MAF: variants seen among roughly 807,000 people sequenced by gnomAD.
MAF encodes MAF bZIP transcription factor.
In MAF, 10 loss-of-function variants were observed where a neutral mutation model predicts 22.0. The observed-to-expected ratio is 0.45, with a 90% CI of 0.28 to 0.77. The LOEUF (loss-of-function observed/expected upper bound fraction) is 0.77. MAF is among the 30% of genes least tolerant of loss of function. The pLI, the probability that MAF is intolerant of heterozygous loss-of-function variation, is 0.12. For synonymous variants in MAF, 337 were observed against 255.8 expected, an observed-to-expected ratio of 1.32 and a Z score of -3.03; for missense variants, 544 against 548.4, an observed-to-expected ratio of 0.99 and a Z score of 0.08.
At chr16:79,413,997 A>C in the MAF span, among the ~76,000 whole-genome samples, 3 of 152,178 alleles carry the variant, frequency 2.0e-5, no homozygotes, top group Non-Finnish European at 4.4e-5. Flanking sequence ...AGCTGGCCAA[A>C]TGCCCTCAGC....
chr16:79,273,677 C>G, the MAF span, among the ~76,000 whole-genome samples: 2 of 99,596 alleles, frequency 2.0e-5, no homozygotes, highest in Non-Finnish European at 2.3e-5. Flanking sequence ...CTGTTTCACT[C>G]TGACCTCTTC....
chr16:79,214,600 T>C, the MAF span, among the ~76,000 whole-genome samples: 1 of 151,588 alleles, frequency 6.6e-6, no homozygotes, highest in East Asian at 1.9e-4. Context: ...AGAGACGGGG[T>C]TTCACTATGT....
the MAF span, among the ~76,000 whole-genome samples, chr16:79,394,044 A>G: frequency 6.6e-6 from 1 of 152,210 alleles, no homozygotes; most frequent in Non-Finnish European, 1.5e-5. Context: ...GAGGAGACGA[A>G]CGCTTCACCA....
the MAF span, among the ~76,000 whole-genome samples, chr16:79,396,742 G>T: frequency 6.6e-6 from 1 of 152,210 alleles, no homozygotes; most frequent in African/African-American, 2.4e-5. Flanking sequence ...ACTGATGCCT[G>T]CCTCCCATAC....
At chr16:79,394,885 C>G in the MAF span, among the ~76,000 whole-genome samples, 6 of 152,166 alleles carry the variant, frequency 3.9e-5, no homozygotes, top group Non-Finnish European at 5.9e-5. Context: ...ACCAGAACAT[C>G]TGCTGTTAGG....
chr16:79,274,218 G>A, the MAF span, among the ~76,000 whole-genome samples: 5 of 150,940 alleles, frequency 3.3e-5, no homozygotes, highest in African/African-American at 1.2e-4. Context: ...ACCTCCCAAA[G>A]TGCCAGGATT....
chr16:79,595,456 C>T (rs1418110769), intron 1 of MAF: 7 of 1,057,414 alleles, frequency 6.6e-6, no homozygotes, highest in Middle Eastern at 4.3e-4. Context: ...CAAAAGTCAT[C>T]GTGTTTGGCT....
At chr16:79,286,153 G>C in the MAF span, among the ~76,000 whole-genome samples, 1 of 152,184 alleles carries the variant, frequency 6.6e-6, no homozygotes, top group African/African-American at 2.4e-5. Flanking sequence ...GCAGTAGCTA[G>C]CTGGTTTTTC....
At chr16:79,295,615 T>C in the MAF span, among the ~76,000 whole-genome samples, 1 of 152,238 alleles carries the variant, frequency 6.6e-6, no homozygotes, top group Admixed American at 6.5e-5. Context: ...ATGAGGCAGC[T>C]TTTAGGCTAA....
the MAF span, among the ~76,000 whole-genome samples, chr16:79,209,412 C>A: frequency 6.6e-6 from 1 of 152,200 alleles, no homozygotes; most frequent in Non-Finnish European, 1.5e-5. Context: ...TTTTGCTTTC[C>A]CAAACGGACT....
the MAF span, among the ~76,000 whole-genome samples, chr16:79,532,428 G>C: frequency 2.0e-5 from 3 of 152,210 alleles, no homozygotes; most frequent in Non-Finnish European, 2.9e-5. Context: ...TGTGCAGTGA[G>C]TAAGAAGCTG....
the MAF span, among the ~76,000 whole-genome samples, chr16:79,365,604 GT>G: frequency 6.6e-6 from 1 of 152,028 alleles, no homozygotes; most frequent in East Asian, 1.9e-4. Context: ...TGGGATTGGG[GT>G]GTAGGGGTCT....
chr16:79,226,416 A>G, the MAF span, among the ~76,000 whole-genome samples: 3 of 152,168 alleles, frequency 2.0e-5, no homozygotes, highest in Non-Finnish European at 4.4e-5. Context: ...ATTAGGAGAC[A>G]TACCTAATGT....
At chr16:79,352,267 T>C in the MAF span, among the ~76,000 whole-genome samples, 1 of 152,192 alleles carries the variant, frequency 6.6e-6, no homozygotes, top group African/African-American at 2.4e-5. Flanking sequence ...TTTTACCTGT[T>C]TCTGTCAATG....
At chr16:79,319,579 G>A in the MAF span, among the ~76,000 whole-genome samples, 4 of 152,148 alleles carry the variant, frequency 2.6e-5, no homozygotes, top group Non-Finnish European at 5.9e-5. Flanking sequence ...GGGCTGGGGG[G>A]ACAATAATGC....
At chr16:79,256,931 C>G in the MAF span, among the ~76,000 whole-genome samples, 8 of 152,180 alleles carry the variant, frequency 5.3e-5, no homozygotes, top group African/African-American at 1.7e-4. Flanking sequence ...GTAATCCCAG[C>G]ACTTTGGGAG....
chr16:79,600,141 C>G lies in MAF; in HGVS notation c.-239G>C, dbSNP rs1011670350. 29 of 486,392 alleles carry G rather than the reference C, an allele frequency of 6.0e-5. No individual in the cohort carries two copies. Among genetic ancestry groups the G allele is most frequent in the Admixed American group, 8.7e-5 (2 of 22,986 alleles). 30.1% of individuals were successfully genotyped at this position (486,392 alleles called of 1,614,324 possible). On this transcript the variant is annotated 5_prime_UTR_variant, in exon 1 of 2. Transcript: ENST00000326043. ...CCCTGCTCACGCCAATGTGCTCCCT[C>G]GCTCGCCCCGGCCCCTCCTTGCTCG...
At chr16:79,367,136 C>T in the MAF span, among the ~76,000 whole-genome samples, 5 of 152,148 alleles carry the variant, frequency 3.3e-5, no homozygotes, top group South Asian at 2.1e-4. Context: ...CATATACACA[C>T]GGAAATCTTC....
chr16:79,294,841 G>A, the MAF span, among the ~76,000 whole-genome samples: 1 of 152,162 alleles, frequency 6.6e-6, no homozygotes, highest in Non-Finnish European at 1.5e-5. Flanking sequence ...AACTACAACA[G>A]CATGGCATCA....
Sources: gnomAD v4.1 joint callset for allele counts (sites outside exome capture counted in the v4.1 genomes callset) on GRCh38, gnomAD v4.1.1 for gene constraint, MANE v1.5 for transcripts, NCBI Gene and HGNC (gene_info 2026-07-23, HGNC 2026-07-21) for gene names.